Variants in ZNF816 observed in about 807,000 individuals in gnomAD.
ZNF816 encodes zinc finger protein 816A.
Under a neutral mutation model 8.3 loss-of-function variants are expected in ZNF816, and 11 were observed. The observed-to-expected ratio is 1.32, with a 90% confidence interval of 0.83 to 2.19. ZNF816 has a LOEUF of 2.19. Among genes scored for constraint, ZNF816 ranks in the 30% most tolerant of loss-of-function variants. The probability of loss-of-function intolerance (pLI) is 0.00; values close to 1 mark genes in which losing one functional copy is unlikely to be tolerated. For missense variants in ZNF816, 710 were observed against 779.3 expected (o/e 0.91, Z 1.06); for synonymous variants, 255 against 254.5 (o/e 1.00, Z -0.02).
chr19:52,958,046 C>T (rs370412028), intron 1 of ZNF816, among the ~76,000 whole-genome samples: 4 of 152,150 alleles, frequency 2.6e-5, no homozygotes, highest in East Asian at 1.9e-4. Flanking sequence ...AGAAGTTAAG[C>T]GTAGGGCCCA....
At chr19:52,961,569 C>T (rs1451597212) in intron 1 of ZNF816, among the ~76,000 whole-genome samples, 1 of 152,174 alleles carries the variant, frequency 6.6e-6, no homozygotes, top group Non-Finnish European at 1.5e-5. Context: ...ATCACTAATT[C>T]CCTAGACCCC....
intron 3 of ZNF816, among the ~76,000 whole-genome samples, chr19:52,952,195 C>T (rs1375503194): frequency 6.6e-6 from 1 of 151,932 alleles, no homozygotes; most frequent in Non-Finnish European, 1.5e-5. Flanking sequence ...ATGGTGATAC[C>T]CTATGTCTAA....
Position 52,950,474 on chromosome 19 carries a change from A to G in ZNF816, c.1301T>C (p.Phe434Ser). 6.2e-7 allele frequency: 1 copy of G among 1,613,764 alleles called. No individual in the cohort carries two copies. Among genetic ancestry groups the G allele is most frequent in the East Asian group, 2.2e-5 (1 of 44,828 alleles). The change falls in exon 4 of 4, where the codon TTC (phenylalanine) becomes TCC (serine). Residue 434 changes from phenylalanine to serine, a missense_variant. Transcript: ENST00000444460. Reference protein sequence around the residue: ...SYKCKVCDKVFRSDSYLAEHQ... With the variant: ...SYKCKVCDKVSRSDSYLAEHQ... ...TTCTGCAAGGTATGAATCACTCCGGAAAACCTTGTCACAAACCTTACATTT... is the reference window on the plus strand; with the variant it reads ...TTCTGCAAGGTATGAATCACTCCGGGAAACCTTGTCACAAACCTTACATTT...
intron 1 of ZNF816, among the ~76,000 whole-genome samples, chr19:52,962,189 A>G (rs1311532346): frequency 4.6e-5 from 7 of 152,086 alleles, no homozygotes; most frequent in African/African-American, 9.7e-5. Context: ...CACAGAGACT[A>G]TACTATACTA....
Position 52,952,626 on chromosome 19 carries a change from C to T in ZNF816, c.190+125G>A, listed in dbSNP as rs2083468955. On this transcript the variant is annotated intron_variant, in intron 3 of 3. Coordinates refer to ENST00000444460, the MANE Select transcript of ZNF816 (RefSeq NM_001202457.3). ...ATGACAGATAGGAGGGTCATCACCG[C>T]AGAAAACAATGACATGTACATCAAA... 5.8e-6 allele frequency: 9 copies of T among 1,544,690 alleles called. No individual in the cohort carries two copies. In the East Asian group the frequency reaches 2.0e-4, roughly 35 times the overall value.
chr19:52,949,797 A>C lies in ZNF816; in HGVS notation c.*22T>G. 6.2e-7 allele frequency: 1 copy of C among 1,613,350 alleles called. No homozygotes were observed. Among genetic ancestry groups the C allele is most frequent in the South Asian group, 1.1e-5 (1 of 91,036 alleles). ...AATGATTTGCAATGGTTGTAGCATT[A>C]CTGAAGACTTTGTGACAATCATTAC... On this transcript the variant is annotated 3_prime_UTR_variant, in exon 4 of 4. Coordinates refer to ENST00000444460, the MANE Select transcript of ZNF816 (RefSeq NM_001202457.3).
At position 52,949,505 on chromosome 19, in the gene ZNF816, T is replaced by C; in HGVS notation, c.*314A>G. The C allele has an allele frequency of 1.8e-6, 1 of 569,174 alleles. No homozygotes were observed. Among genetic ancestry groups the C allele is most frequent in the East Asian group, 3.8e-5 (1 of 26,444 alleles). The allele number at this position is 569,174 out of a possible 1,614,324, so 35.3% of individuals were successfully genotyped here. On this transcript the variant is annotated 3_prime_UTR_variant, in exon 4 of 4. Transcript: ENST00000444460. ...GCCACCCTTACATTTGTAAGGCATC[T>C]GTCCAGTATGAATTCTCTGATGTCT... is the stretch of plus-strand genomic sequence containing the variant.
intron 1 of ZNF816, chr19:52,959,965 C>G (rs1288101729): frequency 6.5e-6 from 1 of 153,086 alleles, no homozygotes; most frequent in East Asian, 1.9e-4. Context: ...AAGACTTTCT[C>G]CAGGCAGAGG....
intron 2 of ZNF816, 25 bp from the exon 3 acceptor site, chr19:52,952,902 A>T: frequency 2.5e-6 from 4 of 1,584,422 alleles, no homozygotes; most frequent in Non-Finnish European, 3.4e-6. Context: ...ACGTTTCAAC[A>T]AAACATTATG....
chr19:52,953,515 ATATATATT>A (rs2083480112), intron 2 of ZNF816: 1 of 118,038 alleles, frequency 8.5e-6, no homozygotes, highest in Non-Finnish European at 1.6e-5. Flanking sequence ...ATTATATATA[ATATATATT>A]TATAATATAT....
At position 52,959,771 on chromosome 19, in the gene ZNF816, C is replaced by A. The variant is rs537791958; in HGVS notation, c.-16+2956G>T. On this transcript the variant is annotated intron_variant, in intron 1 of 3. Coordinates refer to ENST00000444460, the MANE Select transcript of ZNF816 (RefSeq NM_001202457.3). ...GCAATTATTAGAAGCAGCATAGAAACCCCACAATGTGGCAGTCATGCACTG... is the reference window on the plus strand; with the variant it reads ...GCAATTATTAGAAGCAGCATAGAAAACCCACAATGTGGCAGTCATGCACTG... Among the ~76,000 whole-genome samples, 3 of 152,240 alleles carry A rather than the reference C, an allele frequency of 2.0e-5. No individual in the cohort carries two copies. The East Asian group carries it at 5.8e-4, about 29-fold the overall frequency.
Position 52,954,162 on chromosome 19 carries a change from T to C in ZNF816, c.64-1285A>G, listed in dbSNP as rs189344696. On this transcript the variant is annotated intron_variant, in intron 2 of 3. Transcript: ENST00000444460. Reference sequence around the variant, plus strand: ...CAGCACTTTGGGAGGCTCAGGCAGGTGGATAACCTAAAGTCAGGAGTTTGA... The same window carrying C: ...CAGCACTTTGGGAGGCTCAGGCAGGCGGATAACCTAAAGTCAGGAGTTTGA... Among the ~76,000 whole-genome samples the C allele has an allele frequency of 8.5e-4, 128 of 150,154 alleles. 1 individual carries two copies. The highest frequency in any genetic ancestry group is 1.6e-3 in the Non-Finnish European group (107 of 67,498).
rs565905840 is a variant in ZNF816 at position 52,957,054 on chromosome 19, A to G, written c.-15-950T>C. 6.6e-6 allele frequency among the ~76,000 whole-genome samples: 1 copy of G among 152,300 alleles called. No individual in the cohort carries two copies. The highest frequency in any genetic ancestry group is 1.9e-4 in the East Asian group (1 of 5,188). On this transcript the variant is annotated intron_variant, in intron 1 of 3. Transcript: ENST00000444460. This position sits in a 1 kb window ranked among gnomAD's most constrained non-coding sequence, Gnocchi z 4.6. ...CATGACCCTTTCACGTGGATGCCTTAGAGCTGTAAGCCCTTAAAAGGGCCA... is the reference window on the plus strand; with the variant it reads ...CATGACCCTTTCACGTGGATGCCTTGGAGCTGTAAGCCCTTAAAAGGGCCA...
chr19:52,961,916 A>T (rs547346696), intron 1 of ZNF816, among the ~76,000 whole-genome samples: 1 of 152,310 alleles, frequency 6.6e-6, no homozygotes, highest in Non-Finnish European at 1.5e-5. Flanking sequence ...GGCCCAAACT[A>T]GCAACTTCTA....
At chr19:52,955,388 G>C (rs965566029) in intron 2 of ZNF816, among the ~76,000 whole-genome samples, 10 of 152,182 alleles carry the variant, frequency 6.6e-5, no homozygotes, top group Non-Finnish European at 1.5e-4. Flanking sequence ...CTGCTGGGCT[G>C]TCTCACACCT....
chr19:52,958,906 A>C (rs2083532882), intron 1 of ZNF816, among the ~76,000 whole-genome samples: 1 of 152,246 alleles, frequency 6.6e-6, no homozygotes, highest in Non-Finnish European at 1.5e-5. Context: ...GGAGATCCCA[A>C]CAACAGCAAG....
intron 2 of ZNF816, among the ~76,000 whole-genome samples, chr19:52,953,617 A>C (rs2083483957): frequency 7.3e-6 from 1 of 136,316 alleles, no homozygotes; most frequent in South Asian, 2.2e-4. Context: ...GTATTTATAA[A>C]ATATATATGA....
In ZNF816 at chr19:52,950,976, T is replaced by TA; in HGVS notation, c.798dup (p.Asn267Ter). ...TGATATACAATGTATTGCTTCTGAT[T>TA]AAAGATCTTGCCACATACATCACAT... On this transcript the variant is annotated frameshift_variant, in exon 4 of 4. Coordinates refer to ENST00000444460, the MANE Select transcript of ZNF816 (RefSeq NM_001202457.3). LOFTEE classifies it low-confidence loss of function (END_TRUNC). The TA allele has an allele frequency of 1.2e-6, 2 of 1,614,180 alleles. No homozygotes were observed. Among genetic ancestry groups the TA allele is most frequent in the South Asian group, 2.2e-5 (2 of 91,078 alleles).
intron 2 of ZNF816, among the ~76,000 whole-genome samples, chr19:52,953,984 TA>T (rs1450088600): frequency 7.5e-6 from 1 of 133,898 alleles, no homozygotes; most frequent in Non-Finnish European, 1.5e-5. Flanking sequence ...GGGGTTGCAG[TA>T]AGCCAAGGTC....
Sources: allele counts gnomAD v4.1 joint callset (sites outside exome capture counted in the v4.1 genomes callset), GRCh38; gene constraint gnomAD v4.1.1; non-coding constraint Gnocchi (gnomAD v3.1); transcripts MANE v1.5; gene names NCBI Gene and HGNC (gene_info 2026-07-23, HGNC 2026-07-21).